Variants in ZNF503 observed in about 807,000 individuals in gnomAD.
ZNF503 encodes NocA-like zinc finger 2.
In ZNF503, 15 loss-of-function variants were observed where a neutral mutation model predicts 34.4. That is an observed-to-expected ratio of 0.44 (90% confidence interval 0.29 to 0.67). ZNF503 has a LOEUF of 0.67. ZNF503 is among the 30% of genes least tolerant of loss of function. ZNF503 has a pLI of 0.13. For missense variants in ZNF503, 1,007 were observed against 926.8 expected (o/e 1.09, Z -1.12); for synonymous variants, 580 against 456.8 (o/e 1.27, Z -3.44).
the ZNF503 span, among the ~76,000 whole-genome samples, chr10:75,390,723 G>A: frequency 1.3e-5 from 2 of 152,164 alleles, no homozygotes; most frequent in African/African-American, 4.8e-5. Context: ...TGGGGTGCGG[G>A]GGAGTCTGCC....
At chr10:75,374,243 A>G in the ZNF503 span, among the ~76,000 whole-genome samples, 1 of 152,188 alleles carries the variant, frequency 6.6e-6, no homozygotes. Context: ...TGGAGGTTGC[A>G]GTGAGCCAAG....
the ZNF503 span, among the ~76,000 whole-genome samples, chr10:75,386,272 G>T: frequency 6.6e-6 from 1 of 152,190 alleles, no homozygotes; most frequent in Non-Finnish European, 1.5e-5. Flanking sequence ...TCACAAGAAT[G>T]AGCACAATAT....
chr10:75,368,558 A>G, the ZNF503 span, among the ~76,000 whole-genome samples: 1 of 152,198 alleles, frequency 6.6e-6, no homozygotes, highest in Non-Finnish European at 1.5e-5. Context: ...TTACTTACAA[A>G]TGTTATGCAA....
chr10:75,361,047 G>A, the ZNF503 span: 1 of 152,202 alleles, frequency 6.6e-6, no homozygotes, highest in African/African-American at 2.4e-5. Flanking sequence ...GAGGCTCTGT[G>A]TCCTTGAATA....
At chr10:75,378,854 A>G in the ZNF503 span, among the ~76,000 whole-genome samples, 2 of 152,030 alleles carry the variant, frequency 1.3e-5, no homozygotes, top group African/African-American at 4.8e-5. Flanking sequence ...TTTGGGGGCA[A>G]TTTATTCTCT....
chr10:75,310,797 C>T, the ZNF503 span, among the ~76,000 whole-genome samples: 1 of 152,156 alleles, frequency 6.6e-6, no homozygotes, highest in African/African-American at 2.4e-5. Flanking sequence ...CTACTACCTG[C>T]ACCTAGCAAT....
At chr10:75,304,731 A>AAATAGC in the ZNF503 span, among the ~76,000 whole-genome samples, 80 of 152,238 alleles carry the variant, frequency 5.3e-4, 1 homozygote. Flanking sequence ...ACAAGTAGCA[A>AAATAGC]AAATACTATT....
Position 75,401,534 on chromosome 10 carries a change from G to C in ZNF503, c.-115C>G. ...AGCAGCGGGAGGAGGAGGAGCTGGC[G>C]CGGCGGCCACGGGCGCCCAGCGCGC... is the stretch of plus-strand genomic sequence containing the variant. On this transcript the variant is annotated 5_prime_UTR_variant, in exon 1 of 2. Coordinates refer to ENST00000372524, the MANE Select transcript of ZNF503 (RefSeq NM_032772.6). 3 of 1,335,598 alleles carry C rather than the reference G, an allele frequency of 2.2e-6. No individual in the cohort carries two copies. The Admixed American group carries it at 7.3e-5, about 32-fold the overall frequency. The allele number at this position is 1,335,598 out of a possible 1,614,324, so 82.7% of individuals were successfully genotyped here. A position where few individuals can be genotyped will look rare whatever the true frequency, so the allele number is the denominator to read the frequency against.
chr10:75,363,833 T>C, the ZNF503 span, among the ~76,000 whole-genome samples: 2 of 152,226 alleles, frequency 1.3e-5, no homozygotes. Context: ...ATTGCAACTT[T>C]TGTGACAATT....
chr10:75,401,780 T>C, upstream of ZNF503: 1 of 291,582 alleles, frequency 3.4e-6, no homozygotes, highest in Non-Finnish European at 6.3e-6. Context: ...GGAAACTCAC[T>C]TCAAAAGCAG....
chr10:75,339,221 A>G, the ZNF503 span, among the ~76,000 whole-genome samples: 1 of 151,834 alleles, frequency 6.6e-6, no homozygotes, highest in African/African-American at 2.4e-5. Flanking sequence ...ACAGAGCGAG[A>G]CTCCGTCTCA....
chr10:75,332,467 TC>T, the ZNF503 span, among the ~76,000 whole-genome samples: 35 of 73,082 alleles, frequency 4.8e-4, no homozygotes, highest in South Asian at 5.5e-3. Flanking sequence ...TTTAAATTTT[TC>T]TTTTTTTTTT....
rs983446455 is a variant in ZNF503 at position 75,398,393 on chromosome 10, T to G, written c.*356A>C. 5.3e-6 allele frequency: 1 copy of G among 188,066 alleles called. No homozygotes were observed. The highest frequency in any genetic ancestry group is 2.3e-5 in the African/African-American group (1 of 42,954). 11.6% of individuals were successfully genotyped at this position (188,066 alleles called of 1,614,324 possible). Reference sequence around the variant, plus strand: ...GAGCTCAAACTAAATAATGCACTTTTGAACCACCGGTCCGCTTGGAGCTAA... The same window carrying G: ...GAGCTCAAACTAAATAATGCACTTTGGAACCACCGGTCCGCTTGGAGCTAA... On this transcript the variant is annotated 3_prime_UTR_variant, in exon 2 of 2. Transcript: ENST00000372524.
chr10:75,398,035 T>G lies in ZNF503; in HGVS notation c.*714A>C, dbSNP rs1047465897. 3 of 152,516 alleles carry G rather than the reference T, an allele frequency of 2.0e-5. No individual in the cohort carries two copies. The highest frequency in any genetic ancestry group is 4.8e-5 in the African/African-American group (2 of 41,410). 9.4% of individuals were successfully genotyped at this position (152,516 alleles called of 1,614,324 possible). A position where few individuals can be genotyped will look rare whatever the true frequency, so the allele number is the denominator to read the frequency against. ...AGAATTTTTTCTTTTTCTTTTTTTT[T>G]TTGTTGTTTTCTTCCAGAATACATA... is the stretch of plus-strand genomic sequence containing the variant. On this transcript the variant is annotated 3_prime_UTR_variant, in exon 2 of 2. Coordinates refer to ENST00000372524, the MANE Select transcript of ZNF503 (RefSeq NM_032772.6).
In ZNF503 at chr10:75,399,192, G is replaced by A. The variant is rs1474611771; in HGVS notation, c.1498C>T (p.Leu500Phe). ...GGGAGCATAAAGCCGTAGGGGTAGA[G>A]GGGGTGGCCGGCCAGGGAGGGCGGT... ...ATPPSLAGHP[L>F]YPYGFMLPND... is the part of the protein sequence containing the mutation. Residue 500 changes from leucine to phenylalanine, a missense_variant, in exon 2 of 2, where the codon CTC becomes TTC. Coordinates refer to ENST00000372524, the MANE Select transcript of ZNF503 (RefSeq NM_032772.6). 6.2e-7 allele frequency: 1 copy of A among 1,602,790 alleles called. No homozygotes were observed. Among genetic ancestry groups the A allele is most frequent in the Non-Finnish European group, 8.5e-7 (1 of 1,173,178 alleles).
chr10:75,399,779 C>T lies in ZNF503; in HGVS notation c.911G>A (p.Gly304Asp). Residue 304 changes from glycine (G) to aspartate (D), a missense_variant, in exon 2 of 2, where the codon GGC (glycine) becomes GAC (aspartate). Coordinates refer to ENST00000372524, the MANE Select transcript of ZNF503 (RefSeq NM_032772.6). ...GCCGCAGTCCGAGCCCAGAGCCTTG[C>T]CTCCCGGGCCCCCATCCGGATGCTG... ...VNQHPDGGPG[G>D]KALGSDCGGS... The T allele has an allele frequency of 6.3e-7, 1 of 1,593,850 alleles. No individual in the cohort carries two copies. Among genetic ancestry groups the T allele is most frequent in the South Asian group, 1.1e-5 (1 of 89,338 alleles).
the ZNF503 span, among the ~76,000 whole-genome samples, chr10:75,361,871 A>C: frequency 6.6e-6 from 1 of 152,216 alleles, no homozygotes; most frequent in Non-Finnish European, 1.5e-5. Flanking sequence ...AGGACAAAAG[A>C]GAGGTCACTA....
chr10:75,296,377 C>G, the ZNF503 span: 1 of 152,344 alleles, frequency 6.6e-6, no homozygotes, highest in Admixed American at 6.5e-5. Context: ...GCCCCTTTCA[C>G]GTTGTGAGTG....
At position 75,401,513 on chromosome 10, in the gene ZNF503, G is replaced by A; in HGVS notation, c.-94C>T. 7.0e-7 allele frequency: 1 copy of A among 1,430,420 alleles called. No homozygotes were observed. Among genetic ancestry groups the A allele is most frequent in the Non-Finnish European group, 9.3e-7 (1 of 1,079,852 alleles). 88.6% of individuals were successfully genotyped at this position (1,430,420 alleles called of 1,614,324 possible). On this transcript the variant is annotated 5_prime_UTR_variant, in exon 1 of 2. Coordinates refer to ENST00000372524, the MANE Select transcript of ZNF503 (RefSeq NM_032772.6). ...CGCGCTCGCCCCGGGAGCAGGAGCA[G>A]CGGGAGGAGGAGGAGCTGGCGCGGC...
Sources: gnomAD v4.1 joint callset for allele counts (sites outside exome capture counted in the v4.1 genomes callset) on GRCh38, gnomAD v4.1.1 for gene constraint, MANE v1.5 for transcripts, NCBI Gene and HGNC (gene_info 2026-07-23, HGNC 2026-07-21) for gene names.